VAT1L: variants seen among roughly 807,000 people sequenced by gnomAD.
The protein encoded by VAT1L is vesicle amine transport 1 like.
A neutral mutation model predicts 44.1 loss-of-function variants in VAT1L; 34 were observed. The ratio of observed to expected loss-of-function variants is 0.77; its 90% CI spans 0.59 to 1.03. The LOEUF is 1.03. VAT1L is among the 50% of genes least tolerant of loss of function. VAT1L has a pLI of 0.00. For synonymous variants in VAT1L, 253 were observed against 202.2 expected, an observed-to-expected ratio of 1.25 and a Z score of -2.13; for missense variants, 615 against 538.8, an observed-to-expected ratio of 1.14 and a Z score of -1.40.
At chr16:77,874,181 G>C (rs746818632) in intron 4 of VAT1L, among the ~76,000 whole-genome samples, 1 of 152,136 alleles carries the variant, frequency 6.6e-6, no homozygotes, top group African/African-American at 2.4e-5. Flanking sequence ...TGGTGAGGCT[G>C]CTTCTGACCA....
In VAT1L at chr16:77,886,387, A is replaced by G. The variant is rs2142462880; in HGVS notation, c.1077+1585A>G. 2.0e-5 allele frequency among the ~76,000 whole-genome samples: 3 copies of G among 152,306 alleles called. 1 individual carries two copies. The Middle Eastern group carries it at 0.01, about 518-fold the overall frequency. ...ATCATCAAGAAAAAAGCTAAGAGATATACTTGTCCATGGGCCAGAGAAGGT... is the reference window on the plus strand; with the variant it reads ...ATCATCAAGAAAAAAGCTAAGAGATGTACTTGTCCATGGGCCAGAGAAGGT... On this transcript the variant is annotated intron_variant, in intron 7 of 8. Coordinates refer to ENST00000302536, the MANE Select transcript of VAT1L (RefSeq NM_020927.3).
chr16:77,858,799 G>T (rs555965695), intron 3 of VAT1L, among the ~76,000 whole-genome samples: 2 of 152,050 alleles, frequency 1.3e-5, no homozygotes, highest in Non-Finnish European at 2.9e-5. Context: ...AGGAATTCTA[G>T]ACCAGCCTGG....
chr16:77,903,097 T>C lies in VAT1L; in HGVS notation c.1077+18295T>C, dbSNP rs570650283. On this transcript the variant is annotated intron_variant, in intron 7 of 8. Transcript: ENST00000302536. ...CCTTTCTTAAAAATTTCCTTGAGAATAGTCCATCTTTGTTTTTAATAGACA... is the reference window on the plus strand; with the variant it reads ...CCTTTCTTAAAAATTTCCTTGAGAACAGTCCATCTTTGTTTTTAATAGACA... Among the ~76,000 whole-genome samples, 14 of 152,278 alleles carry C rather than the reference T, an allele frequency of 9.2e-5. No homozygotes were observed. In the East Asian group the frequency reaches 2.5e-3, roughly 27 times the overall value.
At chr16:77,938,001 A>C (rs2017824762) in intron 7 of VAT1L, among the ~76,000 whole-genome samples, 1 of 152,154 alleles carries the variant, frequency 6.6e-6, no homozygotes, top group Admixed American at 6.6e-5. Context: ...GGAAAGAATG[A>C]CTCTAAGAGC....
intron 7 of VAT1L, among the ~76,000 whole-genome samples, chr16:77,890,742 G>C (rs897958216): frequency 2.6e-5 from 4 of 151,452 alleles, no homozygotes; most frequent in African/African-American, 9.7e-5. Flanking sequence ...GAGCAACATG[G>C]TGATACCCCA....
At chr16:77,865,975 A>G (rs1410601026) in intron 4 of VAT1L, among the ~76,000 whole-genome samples, 1 of 152,176 alleles carries the variant, frequency 6.6e-6, no homozygotes, top group African/African-American at 2.4e-5. Flanking sequence ...CTGATGTCAG[A>G]AGAACAGAAG....
chr16:77,868,020 T>C (rs1035953400), intron 4 of VAT1L, among the ~76,000 whole-genome samples: 2 of 152,228 alleles, frequency 1.3e-5, no homozygotes, highest in East Asian at 3.8e-4. Context: ...AAACTCATCA[T>C]AAGCTTAAAA....
chr16:77,845,057 G>T (rs2016745136), intron 3 of VAT1L, among the ~76,000 whole-genome samples: 1 of 152,152 alleles, frequency 6.6e-6, no homozygotes, highest in South Asian at 2.1e-4. Context: ...GACAGGACTT[G>T]CCATCAAGAT....
rs1218322013 is a variant in VAT1L at position 77,978,816 on chromosome 16, C to T, written c.*1121C>T. 6.6e-6 allele frequency: 1 copy of T among 152,276 alleles called. No individual in the cohort carries two copies. The highest frequency in any genetic ancestry group is 1.5e-5 in the Non-Finnish European group (1 of 68,090). 9.4% of individuals were successfully genotyped at this position (152,276 alleles called of 1,614,324 possible). A position where few individuals can be genotyped will look rare whatever the true frequency, so the allele number is the denominator to read the frequency against. ...CCAAGGAACAAGCCACCTGCTCACACACCTTGTTCAACTTTTCAGCTCCTA... is the reference window on the plus strand; with the variant it reads ...CCAAGGAACAAGCCACCTGCTCACATACCTTGTTCAACTTTTCAGCTCCTA... On this transcript the variant is annotated 3_prime_UTR_variant, in exon 9 of 9. Transcript: ENST00000302536.
intron 7 of VAT1L, among the ~76,000 whole-genome samples, chr16:77,902,698 G>A (rs1297095852): frequency 8.4e-6 from 1 of 118,664 alleles, no homozygotes; most frequent in African/African-American, 3.2e-5. Context: ...GCTGATGCCT[G>A]TAATCCCAGC....
At chr16:77,871,004 T>C (rs2017025813) in intron 4 of VAT1L, among the ~76,000 whole-genome samples, 2 of 150,186 alleles carry the variant, frequency 1.3e-5, no homozygotes, top group African/African-American at 5.0e-5. Flanking sequence ...CTGAATCCAG[T>C]TCAGTACAGT....
At chr16:77,845,503 C>T (rs1471752572) in intron 3 of VAT1L, among the ~76,000 whole-genome samples, 1 of 152,182 alleles carries the variant, frequency 6.6e-6, no homozygotes, top group Non-Finnish European at 1.5e-5. Flanking sequence ...GTTCATCTGA[C>T]TTCCTGAGAC....
chr16:77,789,849 G>A (rs896005208), intron 1 of VAT1L, among the ~76,000 whole-genome samples: 2 of 152,166 alleles, frequency 1.3e-5, no homozygotes, highest in African/African-American at 2.4e-5. Flanking sequence ...AAGCCTCTCT[G>A]TGTGCGGGCA....
At chr16:77,801,966 C>A (rs2016064794) in intron 1 of VAT1L, among the ~76,000 whole-genome samples, 1 of 152,146 alleles carries the variant, frequency 6.6e-6, no homozygotes, top group Non-Finnish European at 1.5e-5. Context: ...CATGACGCAG[C>A]CATCCATGCG....
chr16:77,904,265 C>CT (rs1342370679), intron 7 of VAT1L, among the ~76,000 whole-genome samples: 2 of 150,082 alleles, frequency 1.3e-5, no homozygotes, highest in Non-Finnish European at 3.0e-5. Context: ...TCATATCCTG[C>CT]TTTTTTTACA....
intron 1 of VAT1L, among the ~76,000 whole-genome samples, chr16:77,811,257 T>G (rs2016259752): frequency 6.6e-6 from 1 of 152,214 alleles, no homozygotes; most frequent in Non-Finnish European, 1.5e-5. Context: ...AGGGAGCATC[T>G]CCATGCTACA....
In VAT1L at chr16:77,879,113, C is replaced by A; in HGVS notation, c.827-56C>A. The A allele has an allele frequency of 6.4e-7, 1 of 1,574,736 alleles. No individual in the cohort carries two copies. The highest frequency in any genetic ancestry group is 8.7e-7 in the Non-Finnish European group (1 of 1,145,056). ...CAATTGCCATTTTTTTCATGCATAA[C>A]AAGAGATGTCCATTTTCATTAGCAA... On this transcript the variant is annotated intron_variant, in intron 5 of 8. Coordinates refer to ENST00000302536, the MANE Select transcript of VAT1L (RefSeq NM_020927.3). The surrounding 1 kb of genome is among the most constrained non-coding windows in gnomAD (Gnocchi z 4.1).
At chr16:77,798,516 T>G (rs1262383326) in intron 1 of VAT1L, among the ~76,000 whole-genome samples, 2 of 152,202 alleles carry the variant, frequency 1.3e-5, no homozygotes, top group Admixed American at 1.3e-4. Flanking sequence ...CATTTCATAT[T>G]TGTTGAATGA....
chr16:77,852,991 C>G (rs1014566966), intron 3 of VAT1L, among the ~76,000 whole-genome samples: 5 of 152,216 alleles, frequency 3.3e-5, no homozygotes, highest in Non-Finnish European at 7.3e-5. Context: ...ACACAGTAAA[C>G]TCTGTGGAGC....
Sources: allele counts gnomAD v4.1 joint callset (sites outside exome capture counted in the v4.1 genomes callset), GRCh38; gene constraint gnomAD v4.1.1; non-coding constraint Gnocchi (gnomAD v3.1); transcripts MANE v1.5; gene names NCBI Gene and HGNC (gene_info 2026-07-23, HGNC 2026-07-21).